MADD: variants seen among roughly 807,000 people sequenced by gnomAD.
MADD encodes the protein MAP kinase-activating death domain protein.
A neutral mutation model predicts 176.7 loss-of-function variants in MADD; 109 were observed. The ratio of observed to expected loss-of-function variants is 0.62; its 90% CI spans 0.53 to 0.72. MADD has a LOEUF of 0.72. Among genes scored for constraint, MADD ranks in the 30% least tolerant of loss-of-function variants. The pLI, the probability that MADD is intolerant of heterozygous loss-of-function variation, is 0.00. For missense variants in MADD, 1,914 were observed against 2,045.5 expected, an observed-to-expected ratio of 0.94 and a Z score of 1.24; for synonymous variants, 771 against 771.3, an observed-to-expected ratio of 1.00 and a Z score of 0.01.
Position 47,324,248 on chromosome 11 carries a change from C to T in MADD, c.4363-17C>T, listed in dbSNP as rs11039179. The T allele has an allele frequency of 0.029, 46,642 of 1,612,894 alleles. 1,134 individuals carry two copies. The highest frequency in any genetic ancestry group is 0.11 in the South Asian group (9,727 of 91,008). ...GGACAGCCCTCATGATGGGACCACT[C>T]TCCCCCTGTGCCACAGTGTCGGGAG... On this transcript the variant is annotated splice_polypyrimidine_tract_variant and intron_variant, in intron 28 of 32. Transcript: ENST00000402192.
At chr11:47,274,639 C>T (rs1222639313) in exon 3 of MADD, 2 of 1,614,222 alleles carry the variant, frequency 1.2e-6, no homozygotes, top group Non-Finnish European at 1.7e-6. Flanking sequence ...CACTGAGTTT[C>T]CCCTGCCCCC....
Position 47,281,560 on chromosome 11 carries a change from CTTG to C in MADD, c.1291-9_1291-7del, listed in dbSNP as rs1438507518. ...GGACGTTCCTTGTGTAAGGAATTTTCTTGTTGTTCCACAGGCCTTGGCCAGCAT... is the reference window on the plus strand; with the variant it reads ...GGACGTTCCTTGTGTAAGGAATTTTCTTGTTCCACAGGCCTTGGCCAGCAT... On this transcript the variant is annotated splice_polypyrimidine_tract_variant and intron_variant, in intron 7 of 32. Coordinates refer to ENST00000402192, the Ensembl canonical transcript of MADD. 2 of 1,582,646 alleles carry C rather than the reference CTTG, an allele frequency of 1.3e-6. No homozygotes were observed. Among genetic ancestry groups the C allele is most frequent in the Admixed American group, 1.7e-5 (1 of 58,244 alleles).
chr11:47,308,670 A>G, exon 23 of MADD: 1 of 1,613,990 alleles, frequency 6.2e-7, no homozygotes, highest in East Asian at 2.2e-5. Flanking sequence ...GATGTGAGCC[A>G]GCGAGTCTAT....
At chr11:47,316,762 G>T (rs918068120) in intron 27 of MADD, among the ~76,000 whole-genome samples, 8 of 150,124 alleles carry the variant, frequency 5.3e-5, no homozygotes, top group Non-Finnish European at 1.0e-4. Flanking sequence ...TTTTTTCTTT[G>T]AGACAGAGTG....
At chr11:47,307,194 G>A (rs1293887514) in intron 22 of MADD, among the ~76,000 whole-genome samples, 1 of 151,922 alleles carries the variant, frequency 6.6e-6, no homozygotes, top group Admixed American at 6.6e-5. Flanking sequence ...GACTATAGAT[G>A]TGAGCTATCA....
chr11:47,324,609 T>C, intron 30 of MADD, 32 bp downstream of exon 33: 1 of 1,471,710 alleles, frequency 6.8e-7, no homozygotes, highest in South Asian at 1.1e-5. Context: ...AGGCTCCCTG[T>C]CGTTCCATCT....
rs187432735 is a variant in MADD at position 47,307,772 on chromosome 11, G to A, written c.3643-819G>A. On this transcript the variant is annotated intron_variant, in intron 22 of 32. Transcript: ENST00000402192. ...CAACCTCCGCCTCCAGGGTTCAAGC[G>A]ATTCTCCTGCCTTAGCCTCCCGAGT... Among the ~76,000 whole-genome samples, 28 of 152,114 alleles carry A rather than the reference G, an allele frequency of 1.8e-4. 2 individuals carry two copies. The highest frequency in any genetic ancestry group is 6.3e-4 in the African/African-American group (26 of 41,504).
In MADD at chr11:47,284,622, A is replaced by G. The variant is rs1031361252; in HGVS notation, c.2157+57A>G. 33 of 1,570,600 alleles carry G rather than the reference A, an allele frequency of 2.1e-5. No homozygotes were observed. The African/African-American group carries it at 3.3e-4, about 16-fold the overall frequency. On this transcript the variant is annotated intron_variant, in intron 12 of 32. Coordinates refer to ENST00000402192, the Ensembl canonical transcript of MADD. The stretch of plus-strand genomic sequence containing the variant: ...ATGGCCTGGGATGTGGGCCTCATCT[A>G]TTAGGAAAGCCAGGCTGTAGCTATT...
At chr11:47,290,979 T>A (rs1284831656) in intron 19 of MADD, among the ~76,000 whole-genome samples, 163 bp downstream of exon 20, 1 of 152,076 alleles carries the variant, frequency 6.6e-6, no homozygotes, top group Non-Finnish European at 1.5e-5. Context: ...TGTACTTCTC[T>A]AGTCTTTATG....
rs773174545 is a variant in MADD, at chr11:47,284,288, G to A, written c.1966+7G>A. The stretch of plus-strand genomic sequence containing the variant: ...ATTAATGGTGATACTCCCAGTAAGT[G>A]TGCTTGGGGAGATTGGCCAGCCCTG... On this transcript the variant is annotated splice_region_variant and intron_variant, in intron 11 of 32. Transcript: ENST00000402192. 5.6e-6 allele frequency: 9 copies of A among 1,613,476 alleles called. No homozygotes were observed. Among genetic ancestry groups the A allele is most frequent in the African/African-American group, 2.7e-5 (2 of 74,924 alleles).
intron 25 of MADD, among the ~76,000 whole-genome samples, chr11:47,310,224 C>T (rs1411277418): frequency 6.6e-6 from 1 of 151,850 alleles, no homozygotes; most frequent in Non-Finnish European, 1.5e-5. Flanking sequence ...CTCTGTCACC[C>T]AGGCTGGAGT....
intron 1 of MADD, chr11:47,271,924 C>A (rs903143912): frequency 6.6e-6 from 1 of 152,068 alleles, no homozygotes; most frequent in African/African-American, 2.4e-5. Context: ...GTTGGGAGAA[C>A]CAAGGGACTA....
At chr11:47,303,599 G>A (rs1225624099) in intron 22 of MADD, among the ~76,000 whole-genome samples, 5 of 138,602 alleles carry the variant, frequency 3.6e-5, no homozygotes, top group African/African-American at 5.5e-5. Context: ...AATGTACCTT[G>A]GAGAGGCCTT....
At chr11:47,284,701 C>A in intron 12 of MADD, 136 bp downstream of exon 12, 2 of 1,288,734 alleles carry the variant, frequency 1.6e-6, no homozygotes, top group South Asian at 1.5e-5. Flanking sequence ...GGCCCTAGAG[C>A]TTAGAGCCTA....
exon 22 of MADD, chr11:47,296,039 C>T (rs1235286416): frequency 6.2e-7 from 1 of 1,613,576 alleles, no homozygotes; most frequent in East Asian, 2.2e-5. Context: ...ACCAACTCTG[C>T]CACAAGCACC....
intron 7 of MADD, among the ~76,000 whole-genome samples, chr11:47,280,959 C>G (rs148405558): frequency 6.6e-6 from 1 of 152,348 alleles, no homozygotes; most frequent in Admixed American, 6.5e-5. Flanking sequence ...GGTTTGTGAA[C>G]CAGCAACATT....
chr11:47,290,171 A>G, exon 18 of MADD: 2 of 1,614,184 alleles, frequency 1.2e-6, no homozygotes, highest in South Asian at 1.1e-5. Context: ...AAGGTGTACA[A>G]GGGAATGTTA....
chr11:47,282,242 G>A (rs2057478183), intron 8 of MADD, 139 bp from the exon 9 acceptor site: 5 of 647,326 alleles, frequency 7.7e-6, no homozygotes, highest in Non-Finnish European at 1.4e-5. Flanking sequence ...TGAAGAGGGG[G>A]CTGATGATTC....
At chr11:47,305,150 G>A (rs2081591466) in intron 22 of MADD, among the ~76,000 whole-genome samples, 1 of 152,152 alleles carries the variant, frequency 6.6e-6, no homozygotes, top group South Asian at 2.1e-4. Flanking sequence ...TCACAATGGA[G>A]TGACTCAGCC....
Sources: allele counts gnomAD v4.1 joint callset (sites outside exome capture counted in the v4.1 genomes callset), GRCh38; gene constraint gnomAD v4.1.1; transcripts MANE v1.5; gene names NCBI Gene and HGNC (gene_info 2026-07-23, HGNC 2026-07-21).